The following BMP7 variants were observed in gnomAD, a reference collection of about 807,000 sequenced individuals.
BMP7 encodes osteogenic protein 1.
In BMP7, 12 loss-of-function variants were observed where a neutral mutation model predicts 41.2. The ratio of observed to expected loss-of-function variants is 0.29; its 90% confidence interval spans 0.19 to 0.47. The LOEUF (loss-of-function observed/expected upper bound fraction) is 0.47, where lower values mean the gene tolerates loss of function less well. Ranked by LOEUF, BMP7 falls within the 20% of genes least tolerant of loss-of-function variation. The probability of loss-of-function intolerance (pLI) is 0.99; values close to 1 mark genes in which losing one functional copy is unlikely to be tolerated. For missense variants in BMP7, 467 were observed against 606.0 expected, an observed-to-expected ratio of 0.77 and a Z score of 2.41; for synonymous variants, 248 against 250.0, an observed-to-expected ratio of 0.99 and a Z score of 0.07.
At chr20:57,216,628 G>A (rs1256005120) in intron 2 of BMP7, among the ~76,000 whole-genome samples, 1 of 151,032 alleles carries the variant, frequency 6.6e-6, no homozygotes, top group Non-Finnish European at 1.5e-5. Flanking sequence ...ACTGTCTCCT[G>A]AGGGTGAGGG....
intron 3 of BMP7, among the ~76,000 whole-genome samples, chr20:57,192,265 ATAG>A (rs1416838963): frequency 7.5e-6 from 1 of 134,124 alleles, no homozygotes; most frequent in Non-Finnish European, 1.5e-5. Context: ...TATAGTATAT[ATAG>A]TATATATACT....
rs60368986 is a variant in BMP7 at position 57,232,852 on chromosome 20, TACACACACACACACAC to T, written c.419-4447_419-4432del. On this transcript the variant is annotated intron_variant, in intron 1 of 6. Transcript: ENST00000395863. ...TATCAAAGAAAGAACAGTCATGAAG[TACACACACACACACAC>T]ACACACACACACACACACACACACA... Among the ~76,000 whole-genome samples the T allele has an allele frequency of 7.3e-3, 1,006 of 138,142 alleles. 6 individuals carry two copies. The highest frequency in any genetic ancestry group is 0.016 in the African/African-American group (593 of 37,684). 90.6% of individuals were successfully genotyped at this position (138,142 alleles called of 152,430 possible).
At chr20:57,198,558 C>A (rs1352647222) in intron 3 of BMP7, among the ~76,000 whole-genome samples, 1 of 152,218 alleles carries the variant, frequency 6.6e-6, no homozygotes, top group Non-Finnish European at 1.5e-5. Context: ...GGCACGCTGG[C>A]CTGGAGCAGA....
At position 57,261,550 on chromosome 20, in the gene BMP7, G is replaced by A. The variant is rs1000884044; in HGVS notation, c.418+4155C>T. ...CTTTGATTTATATAAGCAGGAAAAT[G>A]AGGTTTAAAAGAAGTGATTTTGAAA... On this transcript the variant is annotated intron_variant, in intron 1 of 6. Transcript: ENST00000395863. This position sits in a 1 kb window ranked among gnomAD's most constrained non-coding sequence, Gnocchi z 4.1. Among the ~76,000 whole-genome samples, 4 of 152,248 alleles carry A rather than the reference G, an allele frequency of 2.6e-5. No individual in the cohort carries two copies. The highest frequency in any genetic ancestry group is 4.4e-5 in the Non-Finnish European group (3 of 68,040).
At chr20:57,176,207 G>GC (rs551672059) in intron 4 of BMP7, among the ~76,000 whole-genome samples, 472 of 152,238 alleles carry the variant, frequency 3.1e-3, no homozygotes, top group Middle Eastern at 0.017. Context: ...AAATAATGAA[G>GC]CCCCCCTGGC....
rs1045104726 is a variant in BMP7, at chr20:57,170,379, G to A, written c.*580C>T. Reference sequence around the variant, plus strand: ...GCAAGCCTCAGGATGAAAACTGTAGGGAATGGAGAGGGACCTCCCCGCCCT... The same window carrying A: ...GCAAGCCTCAGGATGAAAACTGTAGAGAATGGAGAGGGACCTCCCCGCCCT... On this transcript the variant is annotated 3_prime_UTR_variant, in exon 7 of 7. Transcript: ENST00000395863. 1.8e-4 allele frequency: 33 copies of A among 182,436 alleles called. No individual in the cohort carries two copies. Among genetic ancestry groups the A allele is most frequent in the African/African-American group, 7.4e-4 (31 of 41,976 alleles). 11.3% of individuals were successfully genotyped at this position (182,436 alleles called of 1,614,324 possible). A position where few individuals can be genotyped will look rare whatever the true frequency, so the allele number is the denominator to read the frequency against.
In BMP7 at chr20:57,265,724, G is replaced by T; in HGVS notation, c.399C>A (p.Val133=). The change falls in exon 1 of 7, where the codon GTC becomes GTA. Residue 133 remains valine (V), a synonymous_variant. Transcript: ENST00000395863. Reference sequence around the variant, plus strand: ...ACTCACCGAGGTTGACGAAGCTCATGACCATGTCGGCGTCGGTGAGGAAAT... The same window carrying T: ...ACTCACCGAGGTTGACGAAGCTCATTACCATGTCGGCGTCGGTGAGGAAAT... The part of the protein sequence containing the change: ...DSHFLTDADM[V]MSFVNLVEHD... The T allele has an allele frequency of 6.2e-7, 1 of 1,608,120 alleles. No individual in the cohort carries two copies. The highest frequency in any genetic ancestry group is 1.1e-5 in the South Asian group (1 of 89,472).
At chr20:57,216,511 G>GGCTGTCTCCTGAGGGCGAGGGC (rs1985025256) in intron 2 of BMP7, among the ~76,000 whole-genome samples, 3 of 149,532 alleles carry the variant, frequency 2.0e-5, no homozygotes, top group Non-Finnish European at 3.0e-5. Flanking sequence ...AGGGCGAGGG[G>GGCTGTCTCCTGAGGGCGAGGGC]GCTGTCTCCT....
chr20:57,249,606 A>G (rs1415163230), intron 1 of BMP7, among the ~76,000 whole-genome samples: 1 of 152,104 alleles, frequency 6.6e-6, no homozygotes, highest in Non-Finnish European at 1.5e-5. Flanking sequence ...GATACATATA[A>G]TGTTTGAAAT....
chr20:57,218,318 A>G (rs1411919524), intron 2 of BMP7, among the ~76,000 whole-genome samples: 1 of 152,200 alleles, frequency 6.6e-6, no homozygotes, highest in Non-Finnish European at 1.5e-5. Flanking sequence ...TTCTCTTCCA[A>G]TATATTTCCA....
At chr20:57,265,481 C>T (rs992926997) in intron 1 of BMP7, among the ~76,000 whole-genome samples, 1 of 152,260 alleles carries the variant, frequency 6.6e-6, no homozygotes, top group Non-Finnish European at 1.5e-5. Flanking sequence ...GAGGATCCCT[C>T]CTTCCCAGTA....
intron 1 of BMP7, among the ~76,000 whole-genome samples, chr20:57,234,396 G>A (rs162316): frequency 0.38 from 57,320 of 152,118 alleles, 14,186 homozygotes; most frequent in African/African-American, 0.71. Context: ...TTCCAAGCAC[G>A]GAGGACTGAG....
At position 57,170,772 on chromosome 20, in the gene BMP7, G is replaced by T; in HGVS notation, c.*187C>A. ...GCTTGTAGGATCTTGTTCATTGGAT[G>T]CTGCCACTGAAAAACTGATCAAAAG... is the stretch of plus-strand genomic sequence containing the variant. On this transcript the variant is annotated 3_prime_UTR_variant, in exon 7 of 7. Transcript: ENST00000395863. The T allele has an allele frequency of 1.4e-6, 1 of 720,556 alleles. No individual in the cohort carries two copies. Among genetic ancestry groups the T allele is most frequent in the African/African-American group, 1.8e-5 (1 of 56,306 alleles). The allele number at this position is 720,556 out of a possible 1,614,324, so 44.6% of individuals were successfully genotyped here. A position where few individuals can be genotyped will look rare whatever the true frequency, so the allele number is the denominator to read the frequency against.
chr20:57,221,811 CAAAA>C (rs57893562), intron 2 of BMP7, among the ~76,000 whole-genome samples: 339 of 127,612 alleles, frequency 2.7e-3, no homozygotes, highest in African/African-American at 8.7e-3. Flanking sequence ...CCCTATCTCT[CAAAA>C]AAAAAAAAAA....
chr20:57,266,233 C>T lies in BMP7; in HGVS notation c.-111G>A. On this transcript the variant is annotated 5_prime_UTR_variant, in exon 1 of 7. Transcript: ENST00000395863. ...CGCTCGGTCACTTGCTGCAGACGGGCCCCGCTGCGCCCGCGCCAGACATGG... is the reference window on the plus strand; with the variant it reads ...CGCTCGGTCACTTGCTGCAGACGGGTCCCGCTGCGCCCGCGCCAGACATGG... 1 of 1,118,760 alleles carries T rather than the reference C, an allele frequency of 8.9e-7. No individual in the cohort carries two copies. Among genetic ancestry groups the T allele is most frequent in the Non-Finnish European group, 1.2e-6 (1 of 861,014 alleles). 69.3% of individuals were successfully genotyped at this position (1,118,760 alleles called of 1,614,324 possible). A position where few individuals can be genotyped will look rare whatever the true frequency, so the allele number is the denominator to read the frequency against.
At chr20:57,244,873 C>CG in intron 1 of BMP7, among the ~76,000 whole-genome samples, 1 of 152,212 alleles carries the variant, frequency 6.6e-6, no homozygotes, top group East Asian at 1.9e-4. Flanking sequence ...TGGGCAGACA[C>CG]AGCTGGTTTA....
chr20:57,253,277 T>G lies in BMP7; in HGVS notation c.418+12428A>C, dbSNP rs899718084. Reference sequence around the variant, plus strand: ...CTGCTGCCATTTTTAAGGGCTTCTCTCTCAAGAAATGTTAGGTCAAGTCAG... The same window carrying G: ...CTGCTGCCATTTTTAAGGGCTTCTCGCTCAAGAAATGTTAGGTCAAGTCAG... On this transcript the variant is annotated intron_variant, in intron 1 of 6. Coordinates refer to ENST00000395863, the MANE Select transcript of BMP7 (RefSeq NM_001719.3). 2.6e-5 allele frequency among the ~76,000 whole-genome samples: 4 copies of G among 152,306 alleles called. No homozygotes were observed. In the East Asian group the frequency reaches 5.8e-4, roughly 22 times the overall value.
At position 57,170,878 on chromosome 20, in the gene BMP7, TG is replaced by T; in HGVS notation, c.*80del. 1 of 1,561,566 alleles carries T rather than the reference TG, an allele frequency of 6.4e-7. No individual in the cohort carries two copies. Among genetic ancestry groups the T allele is most frequent in the Non-Finnish European group, 8.7e-7 (1 of 1,146,740 alleles). On this transcript the variant is annotated 3_prime_UTR_variant, in exon 7 of 7. Coordinates refer to ENST00000395863, the MANE Select transcript of BMP7 (RefSeq NM_001719.3). ...AGGGGAAGGTCTCACAAAAGGCAGT[TG>T]GTCTGCTGGTTCCTGGCCAAGGCGA... is the stretch of plus-strand genomic sequence containing the variant.
chr20:57,201,015 CA>C (rs1454136587), intron 3 of BMP7, among the ~76,000 whole-genome samples: 1 of 152,156 alleles, frequency 6.6e-6, no homozygotes, highest in African/African-American at 2.4e-5. Context: ...ATGTGTATTA[CA>C]GTTAGGTCCT....
Sources: allele counts gnomAD v4.1 joint callset (sites outside exome capture counted in the v4.1 genomes callset), GRCh38; gene constraint gnomAD v4.1.1; non-coding constraint Gnocchi (gnomAD v3.1); transcripts MANE v1.5; gene names NCBI Gene and HGNC (gene_info 2026-07-23, HGNC 2026-07-21).